Variants in CACNA2D3 observed in about 807,000 individuals in gnomAD.
CACNA2D3 encodes voltage-dependent calcium channel subunit alpha-2/delta-3.
In CACNA2D3, 60 loss-of-function variants were observed where a neutral mutation model predicts 160.6. That is an observed-to-expected ratio of 0.37 (90% CI 0.30 to 0.46). The LOEUF (loss-of-function observed/expected upper bound fraction) is 0.46. Among genes scored for constraint, CACNA2D3 ranks in the 20% least tolerant of loss-of-function variants. The pLI is 1.00. For missense variants in CACNA2D3, 1,205 were observed against 1,365.0 expected (o/e 0.88, Z 1.85); for synonymous variants, 558 against 492.9 (o/e 1.13, Z -1.75).
At chr3:55,017,790 A>G (rs1160508882) in intron 34 of CACNA2D3, among the ~76,000 whole-genome samples, 3 of 152,260 alleles carry the variant, frequency 2.0e-5, no homozygotes, top group Admixed American at 6.5e-5. Context: ...TCATATTTCA[A>G]TTTTCTTTCT....
chr3:54,194,765 C>T (rs1701048333), intron 2 of CACNA2D3, among the ~76,000 whole-genome samples: 1 of 152,126 alleles, frequency 6.6e-6, no homozygotes, highest in Non-Finnish European at 1.5e-5. Flanking sequence ...GAGAGTGAAC[C>T]CACTCCCTCA....
intron 11 of CACNA2D3, among the ~76,000 whole-genome samples, chr3:54,720,235 C>A (rs1051772706): frequency 6.6e-6 from 1 of 151,808 alleles, no homozygotes; most frequent in Non-Finnish European, 1.5e-5. Flanking sequence ...TCCAGCCTTA[C>A]TTTTTTATTA....
intron 4 of CACNA2D3, among the ~76,000 whole-genome samples, chr3:54,392,120 T>C (rs1198116994): frequency 2.0e-5 from 3 of 152,226 alleles, no homozygotes; most frequent in African/African-American, 4.8e-5. Context: ...TTTTAGTGTT[T>C]CATCCTCATT....
chr3:54,694,335 C>T (rs745654470), intron 11 of CACNA2D3, among the ~76,000 whole-genome samples: 4 of 152,184 alleles, frequency 2.6e-5, no homozygotes, highest in African/African-American at 4.8e-5. Flanking sequence ...TATGTACACA[C>T]TCTAGGTGTG....
chr3:54,205,969 G>C (rs1701268929), intron 2 of CACNA2D3, among the ~76,000 whole-genome samples: 1 of 152,124 alleles, frequency 6.6e-6, no homozygotes, highest in Non-Finnish European at 1.5e-5. Flanking sequence ...AATATATCTG[G>C]TGTTTATTTG....
At chr3:54,154,992 T>C (rs1386483806) in intron 2 of CACNA2D3, among the ~76,000 whole-genome samples, 1 of 152,198 alleles carries the variant, frequency 6.6e-6, no homozygotes, top group Non-Finnish European at 1.5e-5. Flanking sequence ...ATCAGTACTA[T>C]AAATAAATAA....
At chr3:54,828,896 C>A (rs1393374495) in intron 14 of CACNA2D3, among the ~76,000 whole-genome samples, 2 of 152,190 alleles carry the variant, frequency 1.3e-5, no homozygotes, top group South Asian at 4.1e-4. Context: ...GTAGCATTCT[C>A]AAGATTTAGT....
chr3:54,278,526 T>C (rs9844503), intron 2 of CACNA2D3, among the ~76,000 whole-genome samples: 52,587 of 152,028 alleles, frequency 0.35, 9,417 homozygotes, highest in East Asian at 0.6. Flanking sequence ...ACTGTAAAGA[T>C]GTGCACACGT....
chr3:54,532,744 T>C (rs981467846), intron 5 of CACNA2D3, among the ~76,000 whole-genome samples: 1 of 152,210 alleles, frequency 6.6e-6, no homozygotes. Flanking sequence ...TTATTGCGAA[T>C]AGTGCTGCAA....
In CACNA2D3 at chr3:54,372,904, G is replaced by A. The variant is rs116148919; in HGVS notation, c.322-13811G>A. ...CATTCCTTGAATTCGAGAGGAATGT[G>A]TGAGAATTAGAATGGAAAAATAACA... On this transcript the variant is annotated intron_variant, in intron 3 of 37. Coordinates refer to ENST00000474759, the MANE Select transcript of CACNA2D3 (RefSeq NM_018398.3). Among the ~76,000 whole-genome samples the A allele has an allele frequency of 6.6e-3, 1,004 of 152,310 alleles. 11 individuals carry two copies. Among genetic ancestry groups the A allele is most frequent in the African/African-American group, 0.023 (960 of 41,554 alleles).
intron 4 of CACNA2D3, among the ~76,000 whole-genome samples, chr3:54,493,634 A>C (rs1037667291): frequency 2.6e-5 from 4 of 151,830 alleles, no homozygotes; most frequent in African/African-American, 9.7e-5. Context: ...TAATCCTCCA[A>C]TTTTCAAGGC....
intron 6 of CACNA2D3, among the ~76,000 whole-genome samples, chr3:54,563,723 C>A (rs1236887730): frequency 1.3e-5 from 2 of 152,188 alleles, no homozygotes; most frequent in South Asian, 2.1e-4. Context: ...GGGAGAAAAA[C>A]CCCACCCTGC....
At chr3:54,259,351 A>G (rs974614966) in intron 2 of CACNA2D3, among the ~76,000 whole-genome samples, 7 of 152,278 alleles carry the variant, frequency 4.6e-5, no homozygotes, top group African/African-American at 7.2e-5. Flanking sequence ...AGAGAAAAAC[A>G]AACACAGCAG....
At chr3:54,873,660 C>G (rs1449694256) in intron 18 of CACNA2D3, among the ~76,000 whole-genome samples, 1 of 152,212 alleles carries the variant, frequency 6.6e-6, no homozygotes, top group Non-Finnish European at 1.5e-5. Context: ...TGCGTTCTGT[C>G]TGTCCAACTT....
rs71074965 is a variant in CACNA2D3 at position 54,338,467 on chromosome 3, C to CTGTGTGTGTGTGTGTGTGTGTGTG, written c.321+17931_321+17954dup. On this transcript the variant is annotated intron_variant, in intron 3 of 37. Coordinates refer to ENST00000474759, the MANE Select transcript of CACNA2D3 (RefSeq NM_018398.3). ...TTATAGCTCTCTTCATCTCCCCTCC[C>CTGTGTGTGTGTGTGTGTGTGTGTG]TGTGTGTGTGTGTGTGTGTGTGTGT... is the stretch of plus-strand genomic sequence containing the variant. 1.1e-3 allele frequency among the ~76,000 whole-genome samples: 155 copies of CTGTGTGTGTGTGTGTGTGTGTGTG among 136,516 alleles called. 3 individuals are homozygous for CTGTGTGTGTGTGTGTGTGTGTGTG. The highest frequency in any genetic ancestry group is 7.0e-3 in the South Asian group (27 of 3,840). The allele number at this position is 136,516 out of a possible 152,430, so 89.6% of individuals were successfully genotyped here.
At position 54,348,118 on chromosome 3, in the gene CACNA2D3, A is replaced by T. The variant is rs537229532; in HGVS notation, c.321+27560A>T. Among the ~76,000 whole-genome samples the T allele has an allele frequency of 2.0e-5, 3 of 152,306 alleles. No individual in the cohort carries two copies. The East Asian group carries it at 5.8e-4, about 29-fold the overall frequency. On this transcript the variant is annotated intron_variant, in intron 3 of 37. Transcript: ENST00000474759. ...ATGAGTTGATTGCATCATAGGTTTG[A>T]TCAAGAACACCCAAGGTGTCAGCCA... is the stretch of plus-strand genomic sequence containing the variant.
At chr3:55,019,201 C>T (rs147830185) in intron 35 of CACNA2D3, among the ~76,000 whole-genome samples, 11 of 151,490 alleles carry the variant, frequency 7.3e-5, no homozygotes, top group South Asian at 2.1e-4. Context: ...ATATCAATAC[C>T]GTATCTCTTT....
chr3:54,530,830 G>C (rs1701794600), intron 5 of CACNA2D3, among the ~76,000 whole-genome samples: 1 of 152,192 alleles, frequency 6.6e-6, no homozygotes, highest in Non-Finnish European at 1.5e-5. Flanking sequence ...ACATCTGGGA[G>C]ATTGTGCTTT....
At chr3:54,784,860 A>C (rs1172710116) in intron 13 of CACNA2D3, among the ~76,000 whole-genome samples, 2 of 152,216 alleles carry the variant, frequency 1.3e-5, no homozygotes, top group African/African-American at 4.8e-5. Context: ...TTGCTCTGCT[A>C]TAGTGAAAAC....
Sources: gnomAD v4.1 joint callset for allele counts (sites outside exome capture counted in the v4.1 genomes callset) on GRCh38, gnomAD v4.1.1 for gene constraint, MANE v1.5 for transcripts, NCBI Gene and HGNC (gene_info 2026-07-23, HGNC 2026-07-21) for gene names.